Variants in ART3 observed in about 807,000 individuals in gnomAD.
The protein encoded by ART3 is ecto-ADP-ribosyltransferase 3.
ART3 carries 49 observed loss-of-function variants against 48.5 expected under a neutral mutation model. The observed-to-expected ratio is 1.01, with a 90% CI of 0.80 to 1.28. The LOEUF (loss-of-function observed/expected upper bound fraction) is 1.28, where lower values mean the gene tolerates loss of function less well. Among genes scored for constraint, ART3 ranks in the 50% most tolerant of loss-of-function variants. The pLI, the probability that ART3 is intolerant of heterozygous loss-of-function variation, is 0.00. For missense variants in ART3, 438 were observed against 454.3 expected (o/e 0.96, Z 0.33); for synonymous variants, 145 against 157.2 (o/e 0.92, Z 0.58).
chr4:76,100,175 G>T (rs1028696952), intron 5 of ART3, 116 bp from the exon 6 acceptor site: 2 of 998,518 alleles, frequency 2.0e-6, no homozygotes, highest in Admixed American at 2.0e-5. Context: ...TTTCCTGGAC[G>T]TATCAAATGG....
intron 1 of ART3, among the ~76,000 whole-genome samples, chr4:76,064,991 C>G (rs902297398): frequency 6.6e-6 from 1 of 152,104 alleles, no homozygotes. Flanking sequence ...GCCACCATGC[C>G]TGGCTAATTT....
At chr4:76,033,046 ATATTTT>A (rs1351909885) in intron 1 of ART3, among the ~76,000 whole-genome samples, 3 of 152,170 alleles carry the variant, frequency 2.0e-5, no homozygotes, top group Non-Finnish European at 2.9e-5. Context: ...CCTATAATAA[ATATTTT>A]TATTTTTCAA....
At chr4:76,051,111 A>G (rs1736039332) in intron 1 of ART3, among the ~76,000 whole-genome samples, 2 of 152,272 alleles carry the variant, frequency 1.3e-5, no homozygotes, top group South Asian at 4.1e-4. Flanking sequence ...CCCACAGTGC[A>G]GCAGTGGGCT....
chr4:76,107,927 T>A (rs1728789447), intron 11 of ART3, 134 bp downstream of exon 11: 1 of 649,110 alleles, frequency 1.5e-6, no homozygotes, highest in African/African-American at 1.9e-5. Flanking sequence ...GAGTATAATG[T>A]CATATCCAAA....
At chr4:76,037,265 C>T (rs1287684637) in intron 1 of ART3, among the ~76,000 whole-genome samples, 3 of 152,040 alleles carry the variant, frequency 2.0e-5, no homozygotes, top group South Asian at 4.2e-4. Flanking sequence ...TCCTCTTAAG[C>T]TTCCTAAATC....
chr4:76,036,070 C>G, intron 1 of ART3: 1 of 1,300,064 alleles, frequency 7.7e-7, no homozygotes. Context: ...AAATGCTGAA[C>G]ATGAAAGGAA....
intron 1 of ART3, among the ~76,000 whole-genome samples, chr4:76,069,069 G>A (rs767565162): frequency 1.3e-5 from 2 of 152,164 alleles, no homozygotes; most frequent in Non-Finnish European, 2.9e-5. Flanking sequence ...TAAGAAGTTA[G>A]TCATAAAAAA....
At chr4:76,060,896 C>G (rs1452133007) in intron 1 of ART3, among the ~76,000 whole-genome samples, 1 of 152,210 alleles carries the variant, frequency 6.6e-6, no homozygotes, top group Non-Finnish European at 1.5e-5. Flanking sequence ...CTTCAAGAAA[C>G]TGCATTCTGC....
intron 1 of ART3, among the ~76,000 whole-genome samples, chr4:76,040,569 G>T (rs1734886291): frequency 7.7e-6 from 1 of 129,244 alleles, no homozygotes; most frequent in African/African-American, 3.0e-5. Flanking sequence ...ACTTCAGAAG[G>T]AGACAGAGGA....
chr4:76,088,489 C>T (rs891213512), intron 3 of ART3, among the ~76,000 whole-genome samples: 1 of 152,026 alleles, frequency 6.6e-6, no homozygotes, highest in African/African-American at 2.4e-5. Context: ...TCTGCTAAGC[C>T]ATCAAAAGGG....
intron 1 of ART3, chr4:76,022,630 A>G (rs1446224150): frequency 5.2e-6 from 8 of 1,539,926 alleles, no homozygotes; most frequent in African/African-American, 1.4e-5. Context: ...TTATCATTAC[A>G]TATTTAATAC....
chr4:76,071,195 CA>C (rs1279637601), upstream of ART3, among the ~76,000 whole-genome samples: 1 of 151,832 alleles, frequency 6.6e-6, no homozygotes, highest in Admixed American at 6.6e-5. Flanking sequence ...AGTAAAAATA[CA>C]AAAATTAGCC....
intron 1 of ART3, among the ~76,000 whole-genome samples, chr4:76,042,096 A>G (rs1371931651): frequency 6.6e-6 from 1 of 152,240 alleles, no homozygotes; most frequent in Non-Finnish European, 1.5e-5. Context: ...GATGGAATCT[A>G]GTTTCCATAA....
intron 1 of ART3, among the ~76,000 whole-genome samples, chr4:76,050,256 C>T (rs1459812080): frequency 1.3e-5 from 2 of 152,128 alleles, no homozygotes; most frequent in South Asian, 2.1e-4. Flanking sequence ...GCCCCACCCA[C>T]GTCCTGCTAA....
At chr4:76,095,634 A>G (rs1001941912) in intron 3 of ART3, among the ~76,000 whole-genome samples, 1 of 152,208 alleles carries the variant, frequency 6.6e-6, no homozygotes, top group African/African-American at 2.4e-5. Context: ...ATCCCCCTCT[A>G]GAAAGTATGT....
intron 1 of ART3, among the ~76,000 whole-genome samples, chr4:76,028,500 T>C (rs1411073226): frequency 1.3e-5 from 2 of 152,216 alleles, no homozygotes; most frequent in South Asian, 4.1e-4. Context: ...GACAAACTAA[T>C]GAGCACAGAC....
intron 3 of ART3, among the ~76,000 whole-genome samples, chr4:76,092,156 G>A (rs1725047307): frequency 6.6e-6 from 1 of 152,034 alleles, no homozygotes; most frequent in Non-Finnish European, 1.5e-5. Context: ...TTTCTGCTTG[G>A]ATTTTGATTA....
chr4:76,050,961 C>A (rs927329169), intron 1 of ART3, among the ~76,000 whole-genome samples: 11 of 152,338 alleles, frequency 7.2e-5, no homozygotes, highest in African/African-American at 2.2e-4. Context: ...GTGCGGGGCC[C>A]GCCAAGCCCA....
chr4:76,079,785 G>A (rs750706188), intron 2 of ART3, among the ~76,000 whole-genome samples: 8 of 152,072 alleles, frequency 5.3e-5, no homozygotes, highest in South Asian at 2.1e-4. Flanking sequence ...ATGTTTGTTC[G>A]TGAGGGAGAG....
Sources: gnomAD v4.1 joint callset for allele counts (sites outside exome capture counted in the v4.1 genomes callset) on GRCh38, gnomAD v4.1.1 for gene constraint, MANE v1.5 for transcripts, NCBI Gene and HGNC (gene_info 2026-07-23, HGNC 2026-07-21) for gene names.